Variants in UBE2K observed in about 807,000 individuals in gnomAD.
UBE2K encodes the protein ubiquitin conjugating enzyme E2 K.
In UBE2K, 6 loss-of-function variants were observed where a neutral mutation model predicts 30.0. The observed-to-expected ratio is 0.20, with a 90% CI of 0.11 to 0.39. UBE2K has a LOEUF of 0.39. Ranked by LOEUF, UBE2K falls within the 10% of genes least tolerant of loss-of-function variation. UBE2K has a pLI of 1.00. For missense variants in UBE2K, 61 were observed against 241.6 expected, an observed-to-expected ratio of 0.25 and a Z score of 4.96; for synonymous variants, 86 against 83.7, an observed-to-expected ratio of 1.03 and a Z score of -0.15.
At chr4:39,756,506 G>T (rs1467346641) in intron 4 of UBE2K, among the ~76,000 whole-genome samples, 1 of 152,010 alleles carries the variant, frequency 6.6e-6, no homozygotes, top group Non-Finnish European at 1.5e-5. Context: ...AGGCTGGAGT[G>T]CAGTGGCGCA....
intron 1 of UBE2K, among the ~76,000 whole-genome samples, chr4:39,730,522 C>A (rs1720012018): frequency 6.6e-6 from 1 of 151,976 alleles, no homozygotes; most frequent in Non-Finnish European, 1.5e-5. Context: ...GTAATCCCAG[C>A]ACTTTGGGAG....
rs1250655689 is a variant in UBE2K at position 39,779,045 on chromosome 4, C to CCA, written c.*612_*613insAC. ...GACAGTGTCTGATTCCCCCTTCACC[C>CCA]CCCCCACCCCCGCCTTGCCACACAC... On this transcript the variant is annotated 3_prime_UTR_variant, in exon 7 of 7. Transcript: ENST00000261427. 1.4e-5 allele frequency: 2 copies of CCA among 144,136 alleles called. No individual in the cohort carries two copies. The highest frequency in any genetic ancestry group is 5.2e-5 in the African/African-American group (2 of 38,622). The allele number at this position is 144,136 out of a possible 1,614,324, so 8.9% of individuals were successfully genotyped here.
At chr4:39,771,504 ACCCCCGCGGGGCCGGAAGCGC>A in intron 4 of UBE2K, 1 of 1,391,672 alleles carries the variant, frequency 7.2e-7, no homozygotes, top group Non-Finnish European at 9.4e-7. Flanking sequence ...TATTTTCCCC[ACCCCCGCGGGGCCGGAAGCGC>A]CCCCCACACA....
At chr4:39,761,860 C>A (rs1217406813) in intron 4 of UBE2K, among the ~76,000 whole-genome samples, 1 of 151,622 alleles carries the variant, frequency 6.6e-6, no homozygotes, top group East Asian at 1.9e-4. Flanking sequence ...CTATAGTATT[C>A]ATTTTTTTTT....
intron 5 of UBE2K, among the ~76,000 whole-genome samples, chr4:39,777,116 A>G (rs1713326304): frequency 6.6e-6 from 1 of 152,206 alleles, no homozygotes; most frequent in African/African-American, 2.4e-5. Context: ...GCATATGGGA[A>G]GTCTTTTAAT....
At chr4:39,744,094 G>C (rs10027513) in intron 2 of UBE2K, among the ~76,000 whole-genome samples, 125,705 of 152,194 alleles carry the variant, frequency 0.83, 52,431 homozygotes, top group African/African-American at 0.93. Flanking sequence ...AACTTCTGGC[G>C]TCAAGTGATC....
chr4:39,702,831 G>C (rs1718112189), intron 1 of UBE2K, among the ~76,000 whole-genome samples: 1 of 151,698 alleles, frequency 6.6e-6, no homozygotes, highest in Non-Finnish European at 1.5e-5. Context: ...GTTCTTTGTT[G>C]AGTGGCTCTC....
intron 4 of UBE2K, among the ~76,000 whole-genome samples, chr4:39,771,986 G>C (rs1712908478): frequency 6.6e-6 from 1 of 152,114 alleles, no homozygotes; most frequent in Non-Finnish European, 1.5e-5. Context: ...TTACAAGCAT[G>C]TGCCACCACA....
intron 1 of UBE2K, among the ~76,000 whole-genome samples, chr4:39,736,234 G>A (rs769601953): frequency 6.6e-5 from 10 of 152,248 alleles, no homozygotes; most frequent in Middle Eastern, 3.4e-3. Context: ...AGGCCAAGGC[G>A]GGCGTATCGC....
intron 1 of UBE2K, among the ~76,000 whole-genome samples, chr4:39,714,790 G>A (rs1292692916): frequency 1.3e-5 from 2 of 149,678 alleles, no homozygotes; most frequent in Admixed American, 1.3e-4. Flanking sequence ...ACCTCGTGAT[G>A]TGCCCACCTT....
Position 39,778,439 on chromosome 4 carries a change from TAGAG to T in UBE2K, c.*8_*11del. 6.2e-7 allele frequency: 1 copy of T among 1,600,952 alleles called. No homozygotes were observed. On this transcript the variant is annotated 3_prime_UTR_variant, in exon 7 of 7. Transcript: ENST00000261427. ...GAATTGCTTCTGAGTAACTGAGGCA[TAGAG>T]AGCTGCTGATATAGTCAAGCTTGCC...
intron 3 of UBE2K, among the ~76,000 whole-genome samples, chr4:39,747,921 C>T (rs1721064626): frequency 6.6e-6 from 1 of 151,906 alleles, no homozygotes. Flanking sequence ...CCTGCCTCAG[C>T]CTCCTGAGTA....
In UBE2K at chr4:39,779,908, A is replaced by G. The variant is rs969495691; in HGVS notation, c.*1474A>G. ...ATTATAATCGTTAAATGTTTGGAAG[A>G]TAATTTTTGAATCATAACGTCAGCA... is the stretch of plus-strand genomic sequence containing the variant. On this transcript the variant is annotated 3_prime_UTR_variant, in exon 7 of 7. Transcript: ENST00000261427. 6.6e-6 allele frequency: 1 copy of G among 152,168 alleles called. No homozygotes were observed. Among genetic ancestry groups the G allele is most frequent in the African/African-American group, 2.4e-5 (1 of 41,450 alleles). 9.4% of individuals were successfully genotyped at this position (152,168 alleles called of 1,614,324 possible).
intron 1 of UBE2K, among the ~76,000 whole-genome samples, chr4:39,712,397 A>G (rs145002458): frequency 0.021 from 1,826 of 88,194 alleles, 67 homozygotes; most frequent in African/African-American, 0.073. Flanking sequence ...TTTTTTTTTC[A>G]GTAGAGACAG....
At chr4:39,771,560 G>A (rs1019620995) in intron 4 of UBE2K, among the ~76,000 whole-genome samples, 6 of 152,192 alleles carry the variant, frequency 3.9e-5, no homozygotes, top group African/African-American at 1.4e-4. Context: ...GCAGCATGTA[G>A]GCGCAGGGCG....
chr4:39,710,537 G>A (rs1718610985), intron 1 of UBE2K, among the ~76,000 whole-genome samples: 1 of 151,992 alleles, frequency 6.6e-6, no homozygotes, highest in African/African-American at 2.4e-5. Context: ...CCAAAGTCCT[G>A]GGATTACAGG....
At chr4:39,766,179 GTTT>G (rs958563488) in intron 4 of UBE2K, among the ~76,000 whole-genome samples, 3 of 146,318 alleles carry the variant, frequency 2.1e-5, no homozygotes, top group Admixed American at 6.7e-5. Context: ...GTCTGTGTGT[GTTT>G]TTGTTTTTTG....
chr4:39,703,133 G>T (rs1308395738), intron 1 of UBE2K, among the ~76,000 whole-genome samples: 2 of 152,084 alleles, frequency 1.3e-5, no homozygotes, highest in Non-Finnish European at 2.9e-5. Flanking sequence ...TTGGATTACA[G>T]GCGCCTACTA....
intron 1 of UBE2K, among the ~76,000 whole-genome samples, chr4:39,719,716 G>T (rs1302977599): frequency 6.6e-6 from 1 of 152,068 alleles, no homozygotes; most frequent in Non-Finnish European, 1.5e-5. Flanking sequence ...CCCAATTTTG[G>T]GTTGTCTGAT....
Sources: gnomAD v4.1 joint callset for allele counts (sites outside exome capture counted in the v4.1 genomes callset) on GRCh38, gnomAD v4.1.1 for gene constraint, MANE v1.5 for transcripts, NCBI Gene and HGNC (gene_info 2026-07-23, HGNC 2026-07-21) for gene names.